The following CTNNA2 variants were observed in gnomAD, a reference collection of about 807,000 sequenced individuals.
CTNNA2 encodes the protein catenin alpha 2.
Under a neutral mutation model 101.0 loss-of-function variants are expected in CTNNA2, and 42 were observed. The observed-to-expected ratio is 0.42, with a 90% CI of 0.32 to 0.54. CTNNA2 has a LOEUF of 0.54. CTNNA2 is among the 20% of genes least tolerant of loss of function. The pLI, the probability that CTNNA2 is intolerant of heterozygous loss-of-function variation, is 0.14. For missense variants in CTNNA2, 871 were observed against 1,223.1 expected, an observed-to-expected ratio of 0.71 and a Z score of 4.29; for synonymous variants, 450 against 456.4, an observed-to-expected ratio of 0.99 and a Z score of 0.18.
intron 9 of CTNNA2, among the ~76,000 whole-genome samples, chr2:80,494,980 A>G (rs1463490918): frequency 6.6e-6 from 1 of 152,156 alleles, no homozygotes; most frequent in East Asian, 1.9e-4. Flanking sequence ...AAATATTATC[A>G]AAGAAATATT....
chr2:79,456,093 T>C (rs1362345006), intron 4 of CTNNA2, among the ~76,000 whole-genome samples: 1 of 151,626 alleles, frequency 6.6e-6, no homozygotes, highest in Non-Finnish European at 1.5e-5. Flanking sequence ...GTGGTTGTGT[T>C]TTAAGTATTT....
At chr2:79,862,426 C>G (rs1681695134) in intron 4 of CTNNA2, among the ~76,000 whole-genome samples, 1 of 152,148 alleles carries the variant, frequency 6.6e-6, no homozygotes, top group Non-Finnish European at 1.5e-5. Flanking sequence ...TGTATTATTT[C>G]TCAAGTCTAC....
chr2:80,517,999 G>T (rs1366256582), intron 9 of CTNNA2, among the ~76,000 whole-genome samples: 1 of 152,180 alleles, frequency 6.6e-6, no homozygotes, highest in Non-Finnish European at 1.5e-5. Flanking sequence ...ACCTTCAGGT[G>T]ACGGGCAGTA....
At chr2:79,399,688 C>A (rs189104857) in intron 4 of CTNNA2, among the ~76,000 whole-genome samples, 1 of 151,762 alleles carries the variant, frequency 6.6e-6, no homozygotes, top group African/African-American at 2.4e-5. Context: ...GTCCAGTTTT[C>A]AATAATAAAG....
At chr2:80,384,152 T>C (rs1407012721) in intron 7 of CTNNA2, among the ~76,000 whole-genome samples, 3 of 151,998 alleles carry the variant, frequency 2.0e-5, no homozygotes, top group African/African-American at 2.4e-5. Flanking sequence ...ACAACAGACG[T>C]TGAGGTCTAC....
chr2:80,019,389 A>G (rs1415391239), intron 7 of CTNNA2, among the ~76,000 whole-genome samples: 2 of 152,204 alleles, frequency 1.3e-5, no homozygotes, highest in African/African-American at 4.8e-5. Context: ...AATTGTATCT[A>G]CTTCACCCAG....
At chr2:80,312,692 G>C (rs372678941) in intron 7 of CTNNA2, among the ~76,000 whole-genome samples, 1 of 152,202 alleles carries the variant, frequency 6.6e-6, no homozygotes. Context: ...AGTAAGTTCT[G>C]TCTGCTCTGT....
At chr2:79,381,116 G>A (rs1678033963) in intron 4 of CTNNA2, among the ~76,000 whole-genome samples, 1 of 152,140 alleles carries the variant, frequency 6.6e-6, no homozygotes, top group South Asian at 2.1e-4. Flanking sequence ...TATTCTCTTA[G>A]CAAGATGTTG....
At chr2:79,663,387 C>G (rs550318871) in intron 2 of CTNNA2, among the ~76,000 whole-genome samples, 1 of 152,190 alleles carries the variant, frequency 6.6e-6, no homozygotes, top group African/African-American at 2.4e-5. Context: ...CACTCCTAAC[C>G]ATGTCCTGAT....
rs1018668850 is a variant in CTNNA2 at position 80,498,740 on chromosome 2, G to A, written c.1291-46242G>A. ...TCTTAAATTGGAAAACATTTTTACC[G>A]ATTTCTTAATATGTTTGAATTCATG... On this transcript the variant is annotated intron_variant, in intron 9 of 18. Coordinates refer to ENST00000402739, the MANE Select transcript of CTNNA2 (RefSeq NM_001282597.3). 2.6e-5 allele frequency among the ~76,000 whole-genome samples: 4 copies of A among 152,278 alleles called. No individual in the cohort carries two copies. In the South Asian group the frequency reaches 6.2e-4, roughly 24 times the overall value.
intron 7 of CTNNA2, among the ~76,000 whole-genome samples, chr2:80,188,304 G>A (rs1246262210): frequency 2.0e-5 from 3 of 152,126 alleles, no homozygotes; most frequent in Admixed American, 1.3e-4. Context: ...AAAATAAGAA[G>A]ATTTTTTAGT....
At chr2:79,626,809 G>C (rs1413281058) in intron 1 of CTNNA2, among the ~76,000 whole-genome samples, 1 of 152,066 alleles carries the variant, frequency 6.6e-6, no homozygotes, top group East Asian at 1.9e-4. Context: ...GGTTGCTGTG[G>C]AGCTGGTGTG....
Position 79,982,326 on chromosome 2 carries a change from CA to C in CTNNA2, c.1056+72530del, listed in dbSNP as rs1558697883. Among the ~76,000 whole-genome samples, 1,245 of 129,772 alleles carry C rather than the reference CA, an allele frequency of 9.6e-3. 37 individuals are homozygous for C. The highest frequency in any genetic ancestry group is 0.035 in the African/African-American group (1,187 of 33,552). 85.1% of individuals were successfully genotyped at this position (129,772 alleles called of 152,430 possible). On this transcript the variant is annotated intron_variant, in intron 7 of 18. Transcript: ENST00000402739. ...TATAAAACATATATAACATATATAA[CA>C]CACATATAAAACATATATAACCTAT... is the stretch of plus-strand genomic sequence containing the variant.
At chr2:80,357,520 G>C (rs1011690476) in intron 7 of CTNNA2, among the ~76,000 whole-genome samples, 1 of 152,088 alleles carries the variant, frequency 6.6e-6, no homozygotes, top group African/African-American at 2.4e-5. Flanking sequence ...TCTATGGACA[G>C]ACCGAATTGA....
chr2:79,236,491 C>G (rs902301186), intron 2 of CTNNA2, among the ~76,000 whole-genome samples: 1 of 152,124 alleles, frequency 6.6e-6, no homozygotes, highest in Non-Finnish European at 1.5e-5. Flanking sequence ...GCTGATTGAT[C>G]AGGCTATTTC....
chr2:79,846,539 A>C (rs1680245298), intron 3 of CTNNA2, among the ~76,000 whole-genome samples: 1 of 152,234 alleles, frequency 6.6e-6, no homozygotes, highest in Admixed American at 6.5e-5. Flanking sequence ...AAGACATCCA[A>C]ACTGATATAC....
chr2:80,087,592 T>C (rs1346760656), intron 7 of CTNNA2, among the ~76,000 whole-genome samples: 2 of 152,074 alleles, frequency 1.3e-5, no homozygotes, highest in East Asian at 3.9e-4. Context: ...GGCTGCTCTC[T>C]GGAGTGAGCA....
At chr2:79,364,606 G>T (rs1456597392) in intron 3 of CTNNA2, among the ~76,000 whole-genome samples, 1 of 152,130 alleles carries the variant, frequency 6.6e-6, no homozygotes, top group African/African-American at 2.4e-5. Flanking sequence ...TACAGAAGCT[G>T]GAGAGTTCTT....
intron 1 of CTNNA2, among the ~76,000 whole-genome samples, chr2:79,518,287 A>G (rs1671912713): frequency 6.6e-6 from 1 of 152,114 alleles, no homozygotes; most frequent in Non-Finnish European, 1.5e-5. Flanking sequence ...TGAGATGGAG[A>G]TACATTAAAT....
Sources: allele counts gnomAD v4.1 joint callset (sites outside exome capture counted in the v4.1 genomes callset), GRCh38; gene constraint gnomAD v4.1.1; transcripts MANE v1.5; gene names NCBI Gene and HGNC (gene_info 2026-07-23, HGNC 2026-07-21).